TSHZ2: variants seen among roughly 807,000 people sequenced by gnomAD.
The protein encoded by TSHZ2 is teashirt homolog 2.
TSHZ2 carries 21 observed loss-of-function variants against 74.4 expected under a neutral mutation model. The ratio of observed to expected loss-of-function variants is 0.28; its 90% CI spans 0.20 to 0.41. The LOEUF is 0.41. Among genes scored for constraint, TSHZ2 ranks in the 10% least tolerant of loss-of-function variants. TSHZ2 has a pLI of 1.00. For synonymous variants in TSHZ2, 540 were observed against 515.3 expected (o/e 1.05, Z -0.65); for missense variants, 1,244 against 1,293.5 (o/e 0.96, Z 0.59).
chr20:53,054,760 G>T (rs920754634), intron 1 of TSHZ2, among the ~76,000 whole-genome samples: 1 of 152,104 alleles, frequency 6.6e-6, no homozygotes, highest in Non-Finnish European at 1.5e-5. Context: ...CCTTATGTTA[G>T]GGTGTTAGAT....
At chr20:53,180,673 A>G (rs1988445835) in intron 1 of TSHZ2, among the ~76,000 whole-genome samples, 1 of 152,172 alleles carries the variant, frequency 6.6e-6, no homozygotes, top group African/African-American at 2.4e-5. Context: ...GGAGCACACC[A>G]TTCGGGTGAT....
chr20:52,995,098 T>C (rs1267941753), intron 1 of TSHZ2, among the ~76,000 whole-genome samples: 1 of 152,104 alleles, frequency 6.6e-6, no homozygotes, highest in African/African-American at 2.4e-5. Context: ...CCTCTAGAGG[T>C]CAAACTTTTT....
intron 2 of TSHZ2, among the ~76,000 whole-genome samples, chr20:53,333,059 A>G (rs1287682877): frequency 1.3e-5 from 2 of 152,270 alleles, no homozygotes; most frequent in African/African-American, 4.8e-5. Flanking sequence ...CTCAGAAGGT[A>G]TCTCCCTCTT....
At chr20:53,140,630 T>C (rs947757145) in intron 1 of TSHZ2, among the ~76,000 whole-genome samples, 2 of 152,054 alleles carry the variant, frequency 1.3e-5, no homozygotes, top group African/African-American at 4.8e-5. Flanking sequence ...TAATTTCTGA[T>C]TCTGACCCCC....
intron 2 of TSHZ2, among the ~76,000 whole-genome samples, chr20:53,411,226 C>A (rs961229474): frequency 6.6e-6 from 1 of 152,186 alleles, no homozygotes; most frequent in African/African-American, 2.4e-5. Context: ...TGGCCTTGGC[C>A]TCCCTCAACC....
chr20:53,374,767 T>C (rs564000334), intron 2 of TSHZ2, among the ~76,000 whole-genome samples: 2 of 152,312 alleles, frequency 1.3e-5, no homozygotes, highest in Non-Finnish European at 2.9e-5. Flanking sequence ...TTTTCTCATA[T>C]GCTTCTTGGC....
At chr20:53,065,286 T>C (rs983026345) in intron 1 of TSHZ2, among the ~76,000 whole-genome samples, 1 of 152,200 alleles carries the variant, frequency 6.6e-6, no homozygotes, top group Non-Finnish European at 1.5e-5. Context: ...GAGATGATTA[T>C]TATTACTTGT....
intron 2 of TSHZ2, among the ~76,000 whole-genome samples, chr20:53,447,223 G>A (rs1053047706): frequency 1.3e-5 from 2 of 152,164 alleles, no homozygotes; most frequent in Non-Finnish European, 2.9e-5. Flanking sequence ...CCGGACTTCA[G>A]TGTTCCCCCT....
intron 1 of TSHZ2, chr20:53,179,123 C>T (rs998884229): frequency 2.0e-5 from 3 of 149,310 alleles, no homozygotes; most frequent in Non-Finnish European, 4.4e-5. Flanking sequence ...CTGATCTCAA[C>T]CTTTATTGAT....
At chr20:53,311,755 T>C (rs528618509) in intron 2 of TSHZ2, among the ~76,000 whole-genome samples, 35 of 152,324 alleles carry the variant, frequency 2.3e-4, no homozygotes, top group South Asian at 1.0e-3. Context: ...GAAGATTCTA[T>C]AGTCAATGCC....
intron 2 of TSHZ2, among the ~76,000 whole-genome samples, chr20:53,383,244 CA>C (rs1403327763): frequency 2.1e-5 from 3 of 142,312 alleles, no homozygotes; most frequent in African/African-American, 7.9e-5. Flanking sequence ...GCCTGGGCAA[CA>C]AAGAGAAACT....
intron 2 of TSHZ2, among the ~76,000 whole-genome samples, chr20:53,415,114 G>A (rs1983191328): frequency 2.0e-5 from 3 of 152,236 alleles, no homozygotes; most frequent in South Asian, 2.1e-4. Context: ...AAATTAAGAA[G>A]ACAACACCTA....
Position 53,487,599 on chromosome 20 carries a change from G to A in TSHZ2, c.*464G>A, listed in dbSNP as rs1986326167. On this transcript the variant is annotated 3_prime_UTR_variant, in exon 3 of 3. Transcript: ENST00000371497. ...AGACACTTGGAGGCTTACTTTTCAT[G>A]GTAATGTCCATTTCCTATTTATAAC... The A allele has an allele frequency of 6.6e-6, 1 of 152,082 alleles. No homozygotes were observed. Among genetic ancestry groups the A allele is most frequent in the Non-Finnish European group, 1.5e-5 (1 of 68,012 alleles). The allele number at this position is 152,082 out of a possible 1,614,324, so 9.4% of individuals were successfully genotyped here.
At chr20:53,220,128 G>C (rs1443927479) in intron 1 of TSHZ2, among the ~76,000 whole-genome samples, 1 of 152,198 alleles carries the variant, frequency 6.6e-6, no homozygotes, top group Non-Finnish European at 1.5e-5. Flanking sequence ...TTCATTCTCA[G>C]TGGAAACCCC....
intron 2 of TSHZ2, among the ~76,000 whole-genome samples, chr20:53,335,840 G>A (rs747967023): frequency 7.2e-5 from 11 of 152,026 alleles, no homozygotes; most frequent in Admixed American, 3.3e-4. Flanking sequence ...TCTTAGCTGT[G>A]AACTGCAGTT....
chr20:53,092,039 C>G (rs1334869770), intron 1 of TSHZ2, among the ~76,000 whole-genome samples: 1 of 152,014 alleles, frequency 6.6e-6, no homozygotes, highest in East Asian at 1.9e-4. Flanking sequence ...AAGCAAGGCC[C>G]TGTCTCAAAA....
At chr20:53,362,735 T>A (rs1981115515) in intron 2 of TSHZ2, among the ~76,000 whole-genome samples, 1 of 152,244 alleles carries the variant, frequency 6.6e-6, no homozygotes, top group Non-Finnish European at 1.5e-5. Context: ...TGTTCTAGTA[T>A]GTCATGCCGA....
intron 2 of TSHZ2, among the ~76,000 whole-genome samples, chr20:53,428,902 T>C (rs1245924490): frequency 6.6e-6 from 1 of 152,230 alleles, no homozygotes; most frequent in Non-Finnish European, 1.5e-5. Flanking sequence ...TTCCCTTCAC[T>C]GGCTTGTGCT....
chr20:53,119,641 C>T (rs1986759306), intron 1 of TSHZ2, among the ~76,000 whole-genome samples: 1 of 152,190 alleles, frequency 6.6e-6, no homozygotes, highest in Non-Finnish European at 1.5e-5. Flanking sequence ...AAAGCTTCCA[C>T]TGACAATGTT....
Sources: gnomAD v4.1 joint callset for allele counts (sites outside exome capture counted in the v4.1 genomes callset) on GRCh38, gnomAD v4.1.1 for gene constraint, MANE v1.5 for transcripts, NCBI Gene and HGNC (gene_info 2026-07-23, HGNC 2026-07-21) for gene names.